The following TEAD2 variants were observed in gnomAD, a reference collection of about 807,000 sequenced individuals.
The protein encoded by TEAD2 is transcriptional enhancer factor TEF-4.
TEAD2 carries 51 observed loss-of-function variants against 61.4 expected under a neutral mutation model. The ratio of observed to expected loss-of-function variants is 0.83; its 90% CI spans 0.66 to 1.05. TEAD2 has a LOEUF of 1.05. Among genes scored for constraint, TEAD2 ranks in the 50% least tolerant of loss-of-function variants. TEAD2 has a pLI of 0.00. For synonymous variants in TEAD2, 244 were observed against 243.2 expected, an observed-to-expected ratio of 1.00 and a Z score of -0.03; for missense variants, 509 against 600.0, an observed-to-expected ratio of 0.85 and a Z score of 1.58.
rs1972706324 is a variant in TEAD2 at position 49,359,916 on chromosome 19, G to A, written c.160C>T (p.Gln54Ter). Residue 54 changes from glutamine (Q) to a stop codon, truncating the protein, a stop_gained, in exon 2 of 13, where the codon CAG becomes TAG. Transcript: ENST00000593945. LOFTEE classifies it high-confidence loss of function. The surrounding 1 kb of genome is among the most constrained non-coding windows in gnomAD (Gnocchi z 4.1). ...GGTGGATAGATGGCCAGGGCCTCCTGGAAGCTCTGCTCAATGTCTGGGCTC... is the reference window on the plus strand; with the variant it reads ...GGTGGATAGATGGCCAGGGCCTCCTAGAAGCTCTGCTCAATGTCTGGGCTC... ...VWSPDIEQSFQEALAIYPPCG... is the reference protein window; with the variant it reads ...VWSPDIEQSF 6.2e-7 allele frequency: 1 copy of A among 1,613,240 alleles called. No homozygotes were observed. The highest frequency in any genetic ancestry group is 8.5e-7 in the Non-Finnish European group (1 of 1,180,030).
At chr19:49,343,854 T>TGG (rs201072189) in intron 10 of TEAD2, among the ~76,000 whole-genome samples, 2,065 of 110,694 alleles carry the variant, frequency 0.019, 105 homozygotes, top group East Asian at 0.028. Flanking sequence ...GTCTTTTTTT[T>TGG]TGGGGGGGGG....
rs75442571 is a variant in TEAD2 at position 49,361,864 on chromosome 19, C to T, written c.-7+469G>A. 904 of 152,858 alleles carry T rather than the reference C, an allele frequency of 5.9e-3. 4 individuals carry two copies. Among genetic ancestry groups the T allele is most frequent in the Non-Finnish European group, 8.8e-3 (597 of 68,190 alleles). 9.5% of individuals were successfully genotyped at this position (152,858 alleles called of 1,614,324 possible). On this transcript the variant is annotated intron_variant, in intron 1 of 12. Transcript: ENST00000593945. ...ACCCCCGTAGGCCAAAATCCCAGCC[C>T]AGCCCTTCCCCATGTGGCCAGACAA... is the stretch of plus-strand genomic sequence containing the variant.
At chr19:49,344,426 G>A (rs779996690) in intron 10 of TEAD2, among the ~76,000 whole-genome samples, 3 of 151,888 alleles carry the variant, frequency 2.0e-5, no homozygotes, top group African/African-American at 7.3e-5. Context: ...GATTACAGGC[G>A]CACGCCACCA....
In TEAD2 at chr19:49,341,080, T is replaced by C; in HGVS notation, c.*244A>G. 2.1e-6 allele frequency: 1 copy of C among 470,902 alleles called. No homozygotes were observed. The highest frequency in any genetic ancestry group is 3.9e-6 in the Non-Finnish European group (1 of 257,198). The allele number at this position is 470,902 out of a possible 1,614,324, so 29.2% of individuals were successfully genotyped here. A position where few individuals can be genotyped will look rare whatever the true frequency, so the allele number is the denominator to read the frequency against. ...CTGATACTCCGGAGTGATCTGTCCT[T>C]TCAGACACCCACTGTGAGGTCCCAA... On this transcript the variant is annotated 3_prime_UTR_variant, in exon 13 of 13. Transcript: ENST00000593945. The surrounding 1 kb of genome is among the most constrained non-coding windows in gnomAD (Gnocchi z 4.2).
intron 9 of TEAD2, among the ~76,000 whole-genome samples, chr19:49,347,653 A>G (rs1971738575): frequency 6.6e-6 from 1 of 150,936 alleles, no homozygotes. Flanking sequence ...CCAGCCTCCA[A>G]CCTCGCCTCT....
At position 49,357,395 on chromosome 19, in the gene TEAD2, C is replaced by G. The variant is rs1475912716; in HGVS notation, c.298-81G>C. ...CTACCCCTTCTCTCCCTCCAGGTGC[C>G]TCACTGAGCTGCTGGACCATGAAAG... is the stretch of plus-strand genomic sequence containing the variant. On this transcript the variant is annotated intron_variant, in intron 3 of 12. Coordinates refer to ENST00000593945, the MANE Select transcript of TEAD2 (RefSeq NM_001256660.2). The G allele has an allele frequency of 2.2e-6, 3 of 1,388,498 alleles. No individual in the cohort carries two copies. In the East Asian group the frequency reaches 7.0e-5, roughly 32 times the overall value. 86.0% of individuals were successfully genotyped at this position (1,388,498 alleles called of 1,614,324 possible).
At chr19:49,346,165 C>CAAAAAAAAAAAAAAAAAAAAAAAAA (rs10684078) in intron 10 of TEAD2, among the ~76,000 whole-genome samples, 1 of 44,390 alleles carries the variant, frequency 2.3e-5, no homozygotes, top group African/African-American at 6.1e-5. Context: ...AATTCCATCT[C>CAAAAAAAAAAAAAAAAAAAAAAAAA]AAAAAAAAAA....
At chr19:49,357,723 G>C in intron 3 of TEAD2, 1 of 254,958 alleles carries the variant, frequency 3.9e-6, no homozygotes, top group Non-Finnish European at 7.8e-6. Context: ...GGAGGTATTG[G>C]ATCATGGAGG....
intron 1 of TEAD2, 124 bp downstream of exon 1, chr19:49,362,201 CCTCACTGA>C (rs1973002423): frequency 6.5e-6 from 1 of 152,768 alleles, no homozygotes; most frequent in African/African-American, 2.4e-5. Context: ...AGTTCCCACT[CCTCACTGA>C]GGCTCGGTCA....
rs80095365 is a variant in TEAD2 at position 49,357,264 on chromosome 19, C to A, written c.348G>T (p.Gln116His). Residue 116 changes from glutamine to histidine, a missense_variant, in exon 4 of 13, where the codon CAG becomes CAT. By Grantham distance (24) the Gln-to-His change is conservative. Coordinates refer to ENST00000593945, the MANE Select transcript of TEAD2 (RefSeq NM_001256660.2). ...VLARRKSREI[Q>H]SKLKALNVDQ... ...CATTGGTCCCTACCTTCAACTTGGA[C>A]TGGATTTCCCTTGATTTCCTTCGGG... 2.7e-3 allele frequency: 4,396 copies of A among 1,611,958 alleles called. 132 individuals carry two copies. The Admixed American group carries it at 0.049, about 18-fold the overall frequency.
intron 1 of TEAD2, among the ~76,000 whole-genome samples, chr19:49,361,188 C>T (rs1972880559): frequency 2.4e-5 from 1 of 42,470 alleles, no homozygotes; most frequent in Non-Finnish European, 4.0e-5. Context: ...AGAGAGGGGT[C>T]CAGAGGCCCA....
chr19:49,348,783 G>C lies in TEAD2; in HGVS notation c.667C>G (p.Gln223Glu). Reference protein sequence around the residue: ...PPPTPSPPAWQARGLGTARLQ... With the variant: ...PPPTPSPPAWEARGLGTARLQ... ...CGGGCGGTGCCCAGGCCCCGAGCCT[G>C]CCAGGCTGGGGGCGATGGGGTAGGT... The change falls in exon 9 of 13, where the codon CAG (glutamine) becomes GAG (glutamate). Residue 223 changes from glutamine (Q) to glutamate (E), a missense_variant. Coordinates refer to ENST00000593945, the MANE Select transcript of TEAD2 (RefSeq NM_001256660.2). The C allele has an allele frequency of 6.2e-7, 1 of 1,612,958 alleles. No individual in the cohort carries two copies. Among genetic ancestry groups the C allele is most frequent in the East Asian group, 2.2e-5 (1 of 44,870 alleles).
At position 49,357,247 on chromosome 19, in the gene TEAD2, C is replaced by A. The variant is rs746387337; in HGVS notation, c.360+5G>T. The A allele has an allele frequency of 2.5e-6, 4 of 1,609,392 alleles. No homozygotes were observed. In the Admixed American group the frequency reaches 5.0e-5, roughly 20 times the overall value. Reference sequence around the variant, plus strand: ...CCCTCTCAGGATGTCTGCATTGGTCCCTACCTTCAACTTGGACTGGATTTC... The same window carrying A: ...CCCTCTCAGGATGTCTGCATTGGTCACTACCTTCAACTTGGACTGGATTTC... On this transcript the variant is annotated splice_donor_5th_base_variant and intron_variant, in intron 4 of 12. Coordinates refer to ENST00000593945, the MANE Select transcript of TEAD2 (RefSeq NM_001256660.2).
At chr19:49,354,886 T>C (rs920854767) in intron 7 of TEAD2, among the ~76,000 whole-genome samples, 1 of 152,058 alleles carries the variant, frequency 6.6e-6, no homozygotes, top group Non-Finnish European at 1.5e-5. Flanking sequence ...TAGTCCCAGC[T>C]ACTCGGGAGG....
chr19:49,344,333 T>G (rs920198532), intron 10 of TEAD2, among the ~76,000 whole-genome samples: 1 of 151,948 alleles, frequency 6.6e-6, no homozygotes, highest in East Asian at 1.9e-4. Context: ...TGTTGCCCAG[T>G]GCAATGCCGC....
In TEAD2 at chr19:49,342,603, GA is replaced by G; in HGVS notation, c.1090-14del. ...GGGCCCGTTCCGTCTGAACCAAGGG[GA>G]AGGGAGTTGGGAAAATGGTGGCTGA... On this transcript the variant is annotated splice_polypyrimidine_tract_variant and intron_variant, in intron 11 of 12. Coordinates refer to ENST00000593945, the MANE Select transcript of TEAD2 (RefSeq NM_001256660.2). 1.2e-6 allele frequency: 2 copies of G among 1,604,734 alleles called. No individual in the cohort carries two copies. The highest frequency in any genetic ancestry group is 1.7e-6 in the Non-Finnish European group (2 of 1,172,974).
intron 7 of TEAD2, among the ~76,000 whole-genome samples, chr19:49,354,191 A>G (rs1972221758): frequency 6.6e-6 from 1 of 151,024 alleles, no homozygotes; most frequent in Admixed American, 6.6e-5. Flanking sequence ...TGGATCCATC[A>G]GTTCCTCTCT....
At chr19:49,357,453 G>A (rs578203544) in intron 3 of TEAD2, 139 bp from the exon 4 acceptor site, 27 of 881,062 alleles carry the variant, frequency 3.1e-5, no homozygotes, top group Middle Eastern at 2.1e-4. Context: ...GAGCCATCTC[G>A]GGAGCACCCG....
intron 10 of TEAD2, among the ~76,000 whole-genome samples, chr19:49,345,591 CG>C (rs1203657751): frequency 6.6e-6 from 1 of 152,068 alleles, no homozygotes; most frequent in Non-Finnish European, 1.5e-5. Context: ...TGAACACAAG[CG>C]AAACTCTCGC....
Sources: allele counts gnomAD v4.1 joint callset (sites outside exome capture counted in the v4.1 genomes callset), GRCh38; gene constraint gnomAD v4.1.1; non-coding constraint Gnocchi (gnomAD v3.1); transcripts MANE v1.5; gene names NCBI Gene and HGNC (gene_info 2026-07-23, HGNC 2026-07-21).